The following DPH1 variants were observed in gnomAD, a reference collection of about 807,000 sequenced individuals.
DPH1 encodes diphthamide biosynthesis 1.
In DPH1, 59 loss-of-function variants were observed where a neutral mutation model predicts 55.3. The observed-to-expected ratio is 1.07, with a 90% CI of 0.87 to 1.33. The LOEUF (loss-of-function observed/expected upper bound fraction) is 1.33, where lower values mean the gene tolerates loss of function less well. Among genes scored for constraint, DPH1 ranks in the 40% most tolerant of loss-of-function variants. The pLI is 0.00. For missense variants in DPH1, 628 were observed against 584.8 expected (o/e 1.07, Z -0.76); for synonymous variants, 238 against 235.5 (o/e 1.01, Z -0.10).
rs772638526 is a variant in DPH1, at chr17:2,041,799, C to G, written c.1259C>G (p.Ala420Gly). 73 of 1,606,590 alleles carry G rather than the reference C, an allele frequency of 4.5e-5. No homozygotes were observed. The South Asian group carries it at 7.1e-4, about 16-fold the overall frequency. The change falls in exon 12 of 13, where the codon GCC becomes GGC. Residue 420 changes from alanine to glycine, a missense_variant. Transcript: ENST00000263083. ...GAGGGGTCCGCGCGTCCCCCTTCGGCCGTGGCTTGCGAGGACTGCAGCTGC... is the reference window on the plus strand; with the variant it reads ...GAGGGGTCCGCGCGTCCCCCTTCGGGCGTGGCTTGCGAGGACTGCAGCTGC... ...VQEGSARPPS[A>G]VACEDCSCRD...
In DPH1 at chr17:2,033,494, A is replaced by G; in HGVS notation, c.62-11A>G. Reference sequence around the variant, plus strand: ...AGACAGACACCAACTCAGGCCTTATATCCATTCTAGGTCGGGCCCCTCGGG... The same window carrying G: ...AGACAGACACCAACTCAGGCCTTATGTCCATTCTAGGTCGGGCCCCTCGGG... On this transcript the variant is annotated splice_polypyrimidine_tract_variant and intron_variant, in intron 1 of 12. Coordinates refer to ENST00000263083, the MANE Select transcript of DPH1 (RefSeq NM_001383.6). 1 of 1,613,896 alleles carries G rather than the reference A, an allele frequency of 6.2e-7. No individual in the cohort carries two copies. Among genetic ancestry groups the G allele is most frequent in the Non-Finnish European group, 8.5e-7 (1 of 1,180,028 alleles).
chr17:2,035,914 C>T (rs1285477199), intron 3 of DPH1, 56 bp from the exon 4 acceptor site: 4 of 1,610,148 alleles, frequency 2.5e-6, no homozygotes, highest in Non-Finnish European at 2.5e-6. Flanking sequence ...GGTTGGGTCT[C>T]TCCTACCTCA....
At position 2,043,131 on chromosome 17, in the gene DPH1, C is replaced by T. The variant is rs1597292951; in HGVS notation, c.*545C>T. ...AGATCAAGAAATGTCTCTGCTCCTA[C>T]ATCCAGCTCCTCTAGGGGCAGCCTC... On this transcript the variant is annotated 3_prime_UTR_variant, in exon 13 of 13. Transcript: ENST00000263083. The T allele has an allele frequency of 6.2e-7, 1 of 1,603,210 alleles. No homozygotes were observed. Among genetic ancestry groups the T allele is most frequent in the Admixed American group, 1.7e-5 (1 of 59,760 alleles).
intron 6 of DPH1, among the ~76,000 whole-genome samples, chr17:2,038,331 T>C (rs950397526): frequency 6.6e-6 from 1 of 151,832 alleles, no homozygotes; most frequent in African/African-American, 2.4e-5. Context: ...AAAAACAAAA[T>C]GAAAATCCGG....
intron 12 of DPH1, 80 bp downstream of exon 12, chr17:2,041,955 G>C: frequency 6.6e-7 from 1 of 1,522,364 alleles, no homozygotes; most frequent in Non-Finnish European, 8.8e-7. Flanking sequence ...CCCGCCCTCG[G>C]GGCGGTGCTG....
At chr17:2,030,909 C>T (rs2067322519) in intron 1 of DPH1, among the ~76,000 whole-genome samples, 1 of 152,216 alleles carries the variant, frequency 6.6e-6, no homozygotes, top group Admixed American at 6.5e-5. Context: ...CAAATCTGAT[C>T]TCAGGGCCCC....
chr17:2,041,985 G>A, intron 12 of DPH1, 110 bp downstream of exon 12: 1 of 1,493,510 alleles, frequency 6.7e-7, no homozygotes, highest in Non-Finnish European at 8.9e-7. Flanking sequence ...TCCGCCCCGT[G>A]CATTGTGCTT....
rs2067405997 is a variant in DPH1, at chr17:2,035,475, G to GTAGTGGGGGTCCGGACGAGA, written c.279-495_279-494insTAGTGGGGGTCCGGACGAGA. ...GGGAGGTAGTGGGGGTCCGGGTGAG[G>GTAGTGGGGGTCCGGACGAGA]GGGCCCTGCCTGTGGTGGGGAGGGG... On this transcript the variant is annotated intron_variant, in intron 3 of 12. Coordinates refer to ENST00000263083, the MANE Select transcript of DPH1 (RefSeq NM_001383.6). 1.6e-4 allele frequency among the ~76,000 whole-genome samples: 16 copies of GTAGTGGGGGTCCGGACGAGA among 99,464 alleles called. 1 individual carries two copies. The highest frequency in any genetic ancestry group is 3.0e-4 in the Non-Finnish European group (13 of 42,642). The allele number at this position is 99,464 out of a possible 152,430, so 65.3% of individuals were successfully genotyped here.
rs368892850 is a variant in DPH1 at position 2,041,119 on chromosome 17, T to C, written c.1024T>C (p.Cys342Arg). Residue 342 changes from cysteine (C) to arginine (R), a missense_variant, in exon 10 of 13, where the codon TGT becomes CGT. By Grantham distance (180) the Cys-to-Arg change is radical. Coordinates refer to ENST00000263083, the MANE Select transcript of DPH1 (RefSeq NM_001383.6). ...CCTTCCCAGGTGGGTGCAGGTGGCA[T>C]GTCCACGTCTCTCCATTGACTGGGG... is the stretch of plus-strand genomic sequence containing the variant. The part of the protein sequence containing the change: ...PEVDVWVQVA[C>R]PRLSIDWGTA... The C allele has an allele frequency of 3.1e-6, 5 of 1,603,504 alleles. No individual in the cohort carries two copies. The highest frequency in any genetic ancestry group is 4.3e-6 in the Non-Finnish European group (5 of 1,175,080).
intron 12 of DPH1, 148 bp from the exon 13 acceptor site, chr17:2,042,457 C>T (rs2067557465): frequency 7.7e-7 from 1 of 1,292,550 alleles, no homozygotes; most frequent in Non-Finnish European, 1.0e-6. Context: ...GGCCAATCCA[C>T]TCATTTCCCC....
Position 2,036,466 on chromosome 17 carries a change from C to T in DPH1, c.401-63C>T. 6.3e-7 allele frequency: 1 copy of T among 1,591,944 alleles called. No individual in the cohort carries two copies. Among genetic ancestry groups the T allele is most frequent in the Non-Finnish European group, 8.6e-7 (1 of 1,165,948 alleles). On this transcript the variant is annotated intron_variant, in intron 4 of 12. Coordinates refer to ENST00000263083, the MANE Select transcript of DPH1 (RefSeq NM_001383.6). This position sits in a 1 kb window ranked among gnomAD's most constrained non-coding sequence, Gnocchi z 4.8. ...GCGCCTGGCTGCTCAGAGACCTGAG[C>T]CTGGCCGGGCCCTCTGCTGCTCCTG...
chr17:2,036,481 T>C lies in DPH1; in HGVS notation c.401-48T>C, dbSNP rs762403023. 6.2e-7 allele frequency: 1 copy of C among 1,606,128 alleles called. No homozygotes were observed. Among genetic ancestry groups the C allele is most frequent in the Non-Finnish European group, 8.5e-7 (1 of 1,174,780 alleles). ...GAGACCTGAGCCTGGCCGGGCCCTC[T>C]GCTGCTCCTGCCTTCCCAAACAGCC... On this transcript the variant is annotated intron_variant, in intron 4 of 12. Coordinates refer to ENST00000263083, the MANE Select transcript of DPH1 (RefSeq NM_001383.6). The surrounding 1 kb of genome is among the most constrained non-coding windows in gnomAD (Gnocchi z 4.8).
chr17:2,040,687 C>G, intron 9 of DPH1, 82 bp downstream of exon 9: 1 of 1,472,304 alleles, frequency 6.8e-7, no homozygotes, highest in Non-Finnish European at 9.5e-7. Context: ...CTGGAGCCAA[C>G]AGGAATTGCT....
intron 3 of DPH1, chr17:2,035,054 G>T: frequency 6.6e-6 from 1 of 151,968 alleles, no homozygotes; most frequent in Non-Finnish European, 1.5e-5. Context: ...AGCCTGATTT[G>T]GGGAAGGGGG....
rs534743578 is a variant in DPH1, at chr17:2,030,155, A to T, written c.-15A>T. On this transcript the variant is annotated 5_prime_UTR_variant, in exon 1 of 13. The change abolishes an upstream ATG in the 5' untranslated region. Transcript: ENST00000263083. ...TCCAGCGCTGTCTTTTTAGTACCACATGCGCAGGCAGGTGATGGCGGCGCT... is the reference window on the plus strand; with the variant it reads ...TCCAGCGCTGTCTTTTTAGTACCACTTGCGCAGGCAGGTGATGGCGGCGCT... 1.0e-5 allele frequency: 16 copies of T among 1,601,316 alleles called. No individual in the cohort carries two copies. The highest frequency in any genetic ancestry group is 2.3e-5 in the East Asian group (1 of 44,420).
chr17:2,043,387 C>T lies in DPH1; in HGVS notation c.*801C>T. On this transcript the variant is annotated 3_prime_UTR_variant, in exon 13 of 13. Transcript: ENST00000263083. ...GTGACATGGGGAAGGCAGAGGCTGGCACCATGGTGACTGCCACATAATAAA... is the reference window on the plus strand; with the variant it reads ...GTGACATGGGGAAGGCAGAGGCTGGTACCATGGTGACTGCCACATAATAAA... 1 of 388,460 alleles carries T rather than the reference C, an allele frequency of 2.6e-6. No individual in the cohort carries two copies. Among genetic ancestry groups the T allele is most frequent in the Non-Finnish European group, 4.6e-6 (1 of 216,238 alleles). The allele number at this position is 388,460 out of a possible 1,614,324, so 24.1% of individuals were successfully genotyped here.
intron 6 of DPH1, chr17:2,039,105 AGGCT>A (rs1265628429): frequency 6.6e-6 from 1 of 151,558 alleles, no homozygotes; most frequent in African/African-American, 2.4e-5. Flanking sequence ...TCTGTCGCCC[AGGCT>A]GGAGTGCAGA....
At chr17:2,033,032 G>A (rs2067352602) in intron 1 of DPH1, among the ~76,000 whole-genome samples, 1 of 152,138 alleles carries the variant, frequency 6.6e-6, no homozygotes, top group Admixed American at 6.5e-5. Flanking sequence ...GCGCCCGGCT[G>A]CAGAGGGTTT....
intron 11 of DPH1, 68 bp from the exon 12 acceptor site, chr17:2,041,700 A>G (rs1036321671): frequency 1.3e-6 from 2 of 1,579,456 alleles, no homozygotes; most frequent in Non-Finnish European, 1.7e-6. Context: ...CGGGAAACGC[A>G]CAGGAGCGGA....
Sources: allele counts gnomAD v4.1 joint callset (sites outside exome capture counted in the v4.1 genomes callset), GRCh38; gene constraint gnomAD v4.1.1; non-coding constraint Gnocchi (gnomAD v3.1); transcripts MANE v1.5; gene names NCBI Gene and HGNC (gene_info 2026-07-23, HGNC 2026-07-21).